DGKI: variants seen among roughly 807,000 people sequenced by gnomAD.
The protein encoded by DGKI is DAG kinase iota.
In DGKI, 55 loss-of-function variants were observed where a neutral mutation model predicts 147.5. The observed-to-expected ratio is 0.37, with a 90% CI of 0.30 to 0.47. The LOEUF (loss-of-function observed/expected upper bound fraction) is 0.47. DGKI is among the 20% of genes least tolerant of loss of function. The pLI is 1.00. For synonymous variants in DGKI, 469 were observed against 477.1 expected (o/e 0.98, Z 0.22); for missense variants, 1,007 against 1,323.8 (o/e 0.76, Z 3.71).
chr7:137,400,738 C>T (rs1811722749), intron 30 of DGKI, among the ~76,000 whole-genome samples: 1 of 151,880 alleles, frequency 6.6e-6, no homozygotes, highest in Non-Finnish European at 1.5e-5. Context: ...AACTTTTGCT[C>T]ATAATTAATA....
chr7:137,582,364 C>T (rs1287527964), intron 14 of DGKI, among the ~76,000 whole-genome samples: 2 of 151,120 alleles, frequency 1.3e-5, no homozygotes, highest in African/African-American at 2.4e-5. Flanking sequence ...TTCAGCAAAC[C>T]AATACTGTAA....
At chr7:137,652,104 G>T (rs144519555) in intron 5 of DGKI, among the ~76,000 whole-genome samples, 1 of 152,154 alleles carries the variant, frequency 6.6e-6, no homozygotes, top group Non-Finnish European at 1.5e-5. Flanking sequence ...GACACAGTTT[G>T]TGGCTAAGGA....
intron 28 of DGKI, among the ~76,000 whole-genome samples, chr7:137,414,039 T>TGCAAAGTGA: frequency 6.6e-6 from 1 of 152,234 alleles, no homozygotes; most frequent in East Asian, 1.9e-4. Context: ...AAAGTGATAT[T>TGCAAAGTGA]TTATTCCTAT....
intron 1 of DGKI, among the ~76,000 whole-genome samples, chr7:137,743,098 C>T (rs923678830): frequency 1.3e-5 from 2 of 152,142 alleles, no homozygotes; most frequent in Admixed American, 6.5e-5. Flanking sequence ...TAAATATATA[C>T]GTACCCAACA....
chr7:137,821,242 A>T (rs1204982593), intron 1 of DGKI, among the ~76,000 whole-genome samples: 1 of 152,224 alleles, frequency 6.6e-6, no homozygotes, highest in Admixed American at 6.5e-5. Context: ...AATCAAAGGG[A>T]TATTTTGAAA....
At chr7:137,761,641 A>G (rs114155116) in intron 1 of DGKI, among the ~76,000 whole-genome samples, 3,620 of 152,192 alleles carry the variant, frequency 0.024, 155 homozygotes, top group African/African-American at 0.083. Flanking sequence ...TGAAAGCCTC[A>G]TTAGCTTTCT....
At chr7:137,729,121 A>G (rs1171976900) in intron 1 of DGKI, among the ~76,000 whole-genome samples, 1 of 135,028 alleles carries the variant, frequency 7.4e-6, no homozygotes, top group East Asian at 2.1e-4. Flanking sequence ...AAAACAGAGT[A>G]ACTCAGAGAG....
chr7:137,410,638 A>T (rs542526495), intron 29 of DGKI, among the ~76,000 whole-genome samples: 1 of 152,372 alleles, frequency 6.6e-6, no homozygotes, highest in East Asian at 1.9e-4. Flanking sequence ...TGTGATAATA[A>T]ACTCAGGATC....
chr7:137,402,308 T>C (rs1585079138), intron 30 of DGKI, among the ~76,000 whole-genome samples: 1 of 152,332 alleles, frequency 6.6e-6, no homozygotes, highest in East Asian at 1.9e-4. Flanking sequence ...TTCAAAAGAC[T>C]GTGCTATATG....
chr7:137,582,608 A>T, intron 14 of DGKI, among the ~76,000 whole-genome samples: 1 of 152,122 alleles, frequency 6.6e-6, no homozygotes, highest in East Asian at 1.9e-4. Flanking sequence ...TATCTTTATT[A>T]TGACCATGAA....
At chr7:137,396,586 A>C (rs1324029393) in intron 31 of DGKI, among the ~76,000 whole-genome samples, 2 of 152,204 alleles carry the variant, frequency 1.3e-5, no homozygotes, top group Non-Finnish European at 2.9e-5. Context: ...CTATGGAGTG[A>C]TAGACAGCTT....
intron 8 of DGKI, among the ~76,000 whole-genome samples, chr7:137,617,327 G>A (rs1303889961): frequency 1.1e-4 from 17 of 151,892 alleles, no homozygotes; most frequent in Admixed American, 1.1e-3. Flanking sequence ...ACAAATAACA[G>A]GGGGTATTGT....
At chr7:137,794,006 C>A (rs1176369404) in intron 1 of DGKI, among the ~76,000 whole-genome samples, 3 of 152,158 alleles carry the variant, frequency 2.0e-5, no homozygotes, top group Non-Finnish European at 4.4e-5. Flanking sequence ...TAAACCCTCA[C>A]CTTGAGTTAA....
chr7:137,458,122 A>G (rs1165171159), intron 27 of DGKI, among the ~76,000 whole-genome samples: 1 of 152,182 alleles, frequency 6.6e-6, no homozygotes, highest in East Asian at 1.9e-4. Context: ...AAGGTGCCCA[A>G]TACTGATTTG....
intron 21 of DGKI, among the ~76,000 whole-genome samples, chr7:137,508,251 G>T (rs1245511488): frequency 8.0e-6 from 1 of 125,004 alleles, no homozygotes; most frequent in African/African-American, 3.1e-5. Context: ...TTTTTGAGAC[G>T]GAGTCTCACT....
At chr7:137,522,574 C>T (rs368653200) in intron 20 of DGKI, among the ~76,000 whole-genome samples, 1 of 152,164 alleles carries the variant, frequency 6.6e-6, no homozygotes, top group African/African-American at 2.4e-5. Flanking sequence ...TAAATATGTA[C>T]AGTGTCCTTT....
At chr7:137,394,664 A>G (rs1298024443) in intron 32 of DGKI, among the ~76,000 whole-genome samples, 2 of 152,220 alleles carry the variant, frequency 1.3e-5, no homozygotes, top group Non-Finnish European at 2.9e-5. Flanking sequence ...TCACAGTACA[A>G]TATCTGGCCT....
intron 3 of DGKI, among the ~76,000 whole-genome samples, chr7:137,660,737 A>G (rs1482607515): frequency 6.6e-6 from 1 of 152,178 alleles, no homozygotes; most frequent in Non-Finnish European, 1.5e-5. Context: ...TCTGCTAAGT[A>G]ACAATGAATA....
rs1461363279 is a variant in DGKI, at chr7:137,846,548, C to T, written c.315G>A (p.Glu105=). Residue 105 remains glutamate, a synonymous_variant, in exon 1 of 33, where the codon GAG becomes GAA. Coordinates refer to ENST00000614521, the MANE Select transcript of DGKI (RefSeq NM_001321708.2). This position sits in a 1 kb window ranked among gnomAD's most constrained non-coding sequence, Gnocchi z 4.0. ...TCTCCTTCTGGCCGGCGGCCGCGGG[C>T]TCGTCCAGGGCAGCGGCCCCCGCCG... ...AAAAGAAALD[E]PAAAGQKEKD... is the part of the protein sequence containing the mutation. 1.9e-6 allele frequency: 3 copies of T among 1,538,786 alleles called. No homozygotes were observed. Among genetic ancestry groups the T allele is most frequent in the East Asian group, 5.2e-5 (2 of 38,376 alleles).
Sources: allele counts gnomAD v4.1 joint callset (sites outside exome capture counted in the v4.1 genomes callset), GRCh38; gene constraint gnomAD v4.1.1; non-coding constraint Gnocchi (gnomAD v3.1); transcripts MANE v1.5; gene names NCBI Gene and HGNC (gene_info 2026-07-23, HGNC 2026-07-21).